PSD3: variants seen among roughly 807,000 people sequenced by gnomAD.
PSD3 encodes the protein pleckstrin and Sec7 domain containing 3.
A neutral mutation model predicts 105.5 loss-of-function variants in PSD3; 49 were observed. That is an observed-to-expected ratio of 0.46 (90% confidence interval 0.37 to 0.59). The LOEUF is 0.59. PSD3 is among the 20% of genes least tolerant of loss of function. PSD3 has a pLI of 0.00. For missense variants in PSD3, 1,561 were observed against 1,263.8 expected (o/e 1.24, Z -3.57); for synonymous variants, 557 against 457.8 (o/e 1.22, Z -2.77).
intron 9 of PSD3, among the ~76,000 whole-genome samples, chr8:18,737,594 G>C (rs1232118992): frequency 6.6e-6 from 1 of 152,234 alleles, no homozygotes; most frequent in East Asian, 1.9e-4. Flanking sequence ...GAGTCACTAC[G>C]CTTGGCCTCT....
chr8:18,598,488 G>A (rs1223198745), intron 12 of PSD3, among the ~76,000 whole-genome samples: 1 of 151,890 alleles, frequency 6.6e-6, no homozygotes, highest in East Asian at 1.9e-4. Context: ...TGTAAAGGTG[G>A]TTCAACATAT....
intron 1 of PSD3, among the ~76,000 whole-genome samples, chr8:18,965,314 G>A (rs564758182): frequency 6.6e-6 from 1 of 152,152 alleles, no homozygotes; most frequent in Non-Finnish European, 1.5e-5. Flanking sequence ...AGATGTATGA[G>A]CACATCATGC....
intron 15 of PSD3, among the ~76,000 whole-genome samples, chr8:18,555,092 G>A (rs978672030): frequency 3.3e-5 from 5 of 152,046 alleles, no homozygotes; most frequent in Non-Finnish European, 4.4e-5. Flanking sequence ...GAAGCTGTAG[G>A]CAGCTGTCAA....
chr8:19,059,959 G>T (rs1190593774), intron 1 of PSD3, among the ~76,000 whole-genome samples: 1 of 152,206 alleles, frequency 6.6e-6, no homozygotes, highest in African/African-American at 2.4e-5. Context: ...GGAAATCAAT[G>T]GATGAGCAAG....
At chr8:18,725,335 A>C (rs1350403874) in intron 9 of PSD3, among the ~76,000 whole-genome samples, 1 of 152,230 alleles carries the variant, frequency 6.6e-6, no homozygotes, top group Middle Eastern at 3.2e-3. Flanking sequence ...CAAAAGGAGA[A>C]AATATAAGTA....
At chr8:19,028,328 T>C (rs563095658) in intron 1 of PSD3, among the ~76,000 whole-genome samples, 1 of 138,822 alleles carries the variant, frequency 7.2e-6, no homozygotes, top group African/African-American at 2.7e-5. Flanking sequence ...GTTGGAAGAT[T>C]GTGAAGATTG....
At chr8:18,996,041 C>G (rs1438377848) in intron 1 of PSD3, among the ~76,000 whole-genome samples, 1 of 151,966 alleles carries the variant, frequency 6.6e-6, no homozygotes, top group South Asian at 2.1e-4. Flanking sequence ...AACAATGTCC[C>G]CAGGTGATTT....
At chr8:18,542,125 G>A (rs1800187732) in intron 15 of PSD3, among the ~76,000 whole-genome samples, 1 of 152,168 alleles carries the variant, frequency 6.6e-6, no homozygotes, top group Admixed American at 6.5e-5. Context: ...AATAAAGTGA[G>A]AAACTGGACC....
At chr8:18,961,458 G>T (rs1489098285) in intron 1 of PSD3, among the ~76,000 whole-genome samples, 2 of 152,200 alleles carry the variant, frequency 1.3e-5, no homozygotes, top group Non-Finnish European at 2.9e-5. Context: ...GGAGGCCAAG[G>T]CGGGCGGATC....
chr8:19,071,434 C>G (rs895686267), intron 1 of PSD3, among the ~76,000 whole-genome samples: 7 of 152,120 alleles, frequency 4.6e-5, no homozygotes, highest in Non-Finnish European at 7.3e-5. Context: ...CCCTCTTCTG[C>G]CCTGTTTATG....
At chr8:19,029,950 G>A (rs149033381) in intron 1 of PSD3, among the ~76,000 whole-genome samples, 1 of 152,194 alleles carries the variant, frequency 6.6e-6, no homozygotes, top group East Asian at 1.9e-4. Flanking sequence ...TGACTTTTGT[G>A]AATAAAGAGT....
intron 11 of PSD3, among the ~76,000 whole-genome samples, chr8:18,614,099 T>C (rs1805474677): frequency 6.6e-6 from 1 of 152,216 alleles, no homozygotes; most frequent in Middle Eastern, 3.2e-3. Context: ...TGGTTTGTCA[T>C]CTCTTCTTAG....
At chr8:18,831,496 C>T (rs763252237) in intron 4 of PSD3, among the ~76,000 whole-genome samples, 47 of 152,118 alleles carry the variant, frequency 3.1e-4, no homozygotes, top group Non-Finnish European at 5.9e-4. Context: ...CCGAGGCAGG[C>T]AGATCACCCG....
At chr8:18,639,516 G>T (rs974932455) in intron 10 of PSD3, among the ~76,000 whole-genome samples, 1 of 152,142 alleles carries the variant, frequency 6.6e-6, no homozygotes, top group Non-Finnish European at 1.5e-5. Context: ...ACCTTGTTTG[G>T]AAATAAGATG....
intron 1 of PSD3, among the ~76,000 whole-genome samples, chr8:18,986,920 T>A (rs1289628943): frequency 2.0e-5 from 3 of 152,116 alleles, no homozygotes; most frequent in African/African-American, 7.2e-5. Context: ...TTTAACCCAT[T>A]TATGCTTAGT....
chr8:18,962,205 C>T (rs1466324157), intron 1 of PSD3, among the ~76,000 whole-genome samples: 3 of 151,640 alleles, frequency 2.0e-5, no homozygotes, highest in African/African-American at 4.8e-5. Flanking sequence ...AAGATGGTGC[C>T]ACTGCACTAC....
intron 1 of PSD3, among the ~76,000 whole-genome samples, chr8:18,987,802 G>T (rs1243983755): frequency 6.6e-6 from 1 of 151,986 alleles, no homozygotes; most frequent in Non-Finnish European, 1.5e-5. Flanking sequence ...AACAGAGCAA[G>T]ACCCTGTCTC....
At chr8:18,837,181 T>C (rs2129450977) in intron 4 of PSD3, among the ~76,000 whole-genome samples, 1 of 152,126 alleles carries the variant, frequency 6.6e-6, no homozygotes, top group Admixed American at 6.5e-5. Context: ...GCTTATCACA[T>C]GCAAAAACTC....
At chr8:18,966,281 T>C (rs1824238647) in intron 1 of PSD3, among the ~76,000 whole-genome samples, 1 of 152,158 alleles carries the variant, frequency 6.6e-6, no homozygotes, top group Non-Finnish European at 1.5e-5. Flanking sequence ...AACAGAGTCA[T>C]TTTTCAGGCC....
Sources: gnomAD v4.1 joint callset for allele counts (sites outside exome capture counted in the v4.1 genomes callset) on GRCh38, gnomAD v4.1.1 for gene constraint, MANE v1.5 for transcripts, NCBI Gene and HGNC (gene_info 2026-07-23, HGNC 2026-07-21) for gene names.